CPPED1: variants seen among roughly 807,000 people sequenced by gnomAD.
CPPED1 encodes calcineurin like phosphoesterase domain containing 1.
Under a neutral mutation model 28.0 loss-of-function variants are expected in CPPED1, and 28 were observed. The ratio of observed to expected loss-of-function variants is 1.00; its 90% CI spans 0.74 to 1.37. The LOEUF (loss-of-function observed/expected upper bound fraction) is 1.37. CPPED1 is among the 40% of genes most tolerant of loss of function. CPPED1 has a pLI of 0.00. For synonymous variants in CPPED1, 198 were observed against 180.2 expected (o/e 1.10, Z -0.79); for missense variants, 504 against 416.5 (o/e 1.21, Z -1.83).
chr16:12,785,812 G>A lies in CPPED1; in HGVS notation c.71-4409C>T, dbSNP rs143466837. Among the ~76,000 whole-genome samples, 29 of 152,086 alleles carry A rather than the reference G, an allele frequency of 1.9e-4. 1 individual carries two copies. In the East Asian group the frequency reaches 5.2e-3, roughly 27 times the overall value. On this transcript the variant is annotated intron_variant, in intron 1 of 3. Transcript: ENST00000381774. ...GTTACCCCCAGGGTACAGTCCCCAG[G>A]CACAGTCCAGCTTTTCTGGAAACCC...
At chr16:12,706,209 A>C (rs909009591) in intron 2 of CPPED1, among the ~76,000 whole-genome samples, 6 of 152,004 alleles carry the variant, frequency 3.9e-5, no homozygotes, top group African/African-American at 2.4e-5. Flanking sequence ...ATCACACACA[A>C]ATTTTTAAAA....
intron 2 of CPPED1, among the ~76,000 whole-genome samples, chr16:12,761,325 A>G (rs1191055079): frequency 6.6e-6 from 1 of 151,992 alleles, no homozygotes; most frequent in African/African-American, 2.4e-5. Context: ...AGAAAAGAAA[A>G]GAGGAGAAGT....
In CPPED1 at chr16:12,667,704, C is replaced by G. The variant is rs564437580; in HGVS notation, c.716-2589G>C. 1.9e-4 allele frequency among the ~76,000 whole-genome samples: 29 copies of G among 152,288 alleles called. 1 individual carries two copies. The highest frequency in any genetic ancestry group is 6.0e-4 in the African/African-American group (25 of 41,560). ...AGAAGACAATACAGAGACCCAGACA[C>G]AAGCAATAGGAACATGCTCTTGATT... On this transcript the variant is annotated intron_variant, in intron 3 of 3. Coordinates refer to ENST00000381774, the MANE Select transcript of CPPED1 (RefSeq NM_018340.3).
chr16:12,772,797 A>G (rs1439296454), intron 2 of CPPED1, among the ~76,000 whole-genome samples: 1 of 152,216 alleles, frequency 6.6e-6, no homozygotes, highest in Non-Finnish European at 1.5e-5. Flanking sequence ...TCTTATCCCA[A>G]ACCCCCTAGG....
chr16:12,709,969 C>CAAGG lies in CPPED1; in HGVS notation c.290-4924_290-4921dup, dbSNP rs376109725. 8.4e-6 allele frequency among the ~76,000 whole-genome samples: 1 copy of CAAGG among 118,362 alleles called. No individual in the cohort carries two copies. Among genetic ancestry groups the CAAGG allele is most frequent in the African/African-American group, 3.3e-5 (1 of 30,196 alleles). The allele number at this position is 118,362 out of a possible 152,430, so 77.7% of individuals were successfully genotyped here. A position where few individuals can be genotyped will look rare whatever the true frequency, so the allele number is the denominator to read the frequency against. ...GAGGAAGGAAAGAAGGGAAGGAAGGCAAGGAAGGAAGGAAGGGAAGAGAAG... is the reference window on the plus strand; with the variant it reads ...GAGGAAGGAAAGAAGGGAAGGAAGGCAAGGAAGGAAGGAAGGAAGGGAAGAGAAG... On this transcript the variant is annotated intron_variant, in intron 2 of 3. Transcript: ENST00000381774. The surrounding 1 kb of genome is among the most constrained non-coding windows in gnomAD (Gnocchi z 4.4).
chr16:12,793,411 A>G (rs1334454434), intron 1 of CPPED1, among the ~76,000 whole-genome samples: 8 of 152,090 alleles, frequency 5.3e-5, no homozygotes, highest in African/African-American at 1.9e-4. Flanking sequence ...TTGGGCCTCT[A>G]TCTCCTGAAA....
At chr16:12,679,879 T>C (rs1209894843) in intron 3 of CPPED1, among the ~76,000 whole-genome samples, 1 of 152,176 alleles carries the variant, frequency 6.6e-6, no homozygotes, top group Non-Finnish European at 1.5e-5. Context: ...AGAAATGCAA[T>C]TATCTTAAGA....
intron 3 of CPPED1, among the ~76,000 whole-genome samples, chr16:12,669,555 C>G (rs1323719574): frequency 6.6e-6 from 1 of 152,088 alleles, no homozygotes; most frequent in Non-Finnish European, 1.5e-5. Context: ...ATCACAACAA[C>G]GGATTAGAGT....
At chr16:12,719,293 A>C (rs2080125143) in intron 2 of CPPED1, among the ~76,000 whole-genome samples, 1 of 151,672 alleles carries the variant, frequency 6.6e-6, no homozygotes. Context: ...CGGGAAGCTG[A>C]GGCAGGAGAA....
chr16:12,734,412 T>G (rs2080216267), intron 2 of CPPED1, among the ~76,000 whole-genome samples: 1 of 147,930 alleles, frequency 6.8e-6, no homozygotes, highest in Non-Finnish European at 1.5e-5. Context: ...GGAGTCTCGC[T>G]CTTGTCGCCC....
intron 2 of CPPED1, among the ~76,000 whole-genome samples, chr16:12,726,340 CTTT>C (rs35865113): frequency 2.2e-3 from 232 of 107,364 alleles, no homozygotes; most frequent in African/African-American, 5.6e-3. Context: ...GCACCCAGCC[CTTT>C]TTTTTTTTTT....
At chr16:12,766,394 C>A (rs1201750807) in intron 2 of CPPED1, among the ~76,000 whole-genome samples, 1 of 151,738 alleles carries the variant, frequency 6.6e-6, no homozygotes, top group East Asian at 1.9e-4. Context: ...ATTGGACTTA[C>A]AGCTTCACGT....
chr16:12,735,695 T>C (rs1375569375), intron 2 of CPPED1, among the ~76,000 whole-genome samples: 1 of 152,254 alleles, frequency 6.6e-6, no homozygotes, highest in Non-Finnish European at 1.5e-5. Context: ...AGTTCGTCTC[T>C]GCAAAGAGCT....
At chr16:12,676,097 T>G (rs1462253993) in intron 3 of CPPED1, among the ~76,000 whole-genome samples, 1 of 152,190 alleles carries the variant, frequency 6.6e-6, no homozygotes, top group African/African-American at 2.4e-5. Context: ...AATTCTAGAT[T>G]CCAGCATATT....
rs1291267548 is a variant in CPPED1, at chr16:12,670,430, G to A, written c.716-5315C>T. On this transcript the variant is annotated intron_variant, in intron 3 of 3. Transcript: ENST00000381774. The surrounding 1 kb of genome is among the most constrained non-coding windows in gnomAD (Gnocchi z 4.2). ...ACACAGACACCCCACCCTCTAGGAA[G>A]TAGTGCATCTTTCTTCATCCCTTAG... 5.9e-5 allele frequency among the ~76,000 whole-genome samples: 9 copies of A among 152,146 alleles called. No individual in the cohort carries two copies. Among genetic ancestry groups the A allele is most frequent in the Non-Finnish European group, 1.3e-4 (9 of 68,018 alleles).
rs2079803717 is a variant in CPPED1, at chr16:12,662,949, G to C, written c.*1937C>G. Reference sequence around the variant, plus strand: ...AGAGCATTGTGCATACGTAAGAACAGAGTGAGAGCTCCTTTTCATTTCCCC... The same window carrying C: ...AGAGCATTGTGCATACGTAAGAACACAGTGAGAGCTCCTTTTCATTTCCCC... On this transcript the variant is annotated 3_prime_UTR_variant, in exon 4 of 4. Transcript: ENST00000381774. The C allele has an allele frequency of 6.6e-6, 1 of 152,208 alleles. No individual in the cohort carries two copies. The highest frequency in any genetic ancestry group is 2.4e-5 in the African/African-American group (1 of 41,430). 9.4% of individuals were successfully genotyped at this position (152,208 alleles called of 1,614,324 possible). A position where few individuals can be genotyped will look rare whatever the true frequency, so the allele number is the denominator to read the frequency against.
At chr16:12,681,532 C>T (rs1474668715) in intron 3 of CPPED1, among the ~76,000 whole-genome samples, 1 of 152,122 alleles carries the variant, frequency 6.6e-6, no homozygotes, top group Admixed American at 6.5e-5. Flanking sequence ...ACTTTTCATA[C>T]CTCACCTGAT....
At position 12,664,581 on chromosome 16, in the gene CPPED1, C is replaced by G; in HGVS notation, c.*305G>C. Reference sequence around the variant, plus strand: ...GACCATATGCTAACCAGAATACAATCCAATTCAAAAGTGGAGTTGAGAAAC... The same window carrying G: ...GACCATATGCTAACCAGAATACAATGCAATTCAAAAGTGGAGTTGAGAAAC... On this transcript the variant is annotated 3_prime_UTR_variant, in exon 4 of 4. Transcript: ENST00000381774. This position sits in a 1 kb window ranked among gnomAD's most constrained non-coding sequence, Gnocchi z 4.2. The G allele has an allele frequency of 4.2e-6, 5 of 1,181,150 alleles. No homozygotes were observed. Among genetic ancestry groups the G allele is most frequent in the Non-Finnish European group, 5.2e-6 (5 of 954,320 alleles). 73.2% of individuals were successfully genotyped at this position (1,181,150 alleles called of 1,614,324 possible).
In CPPED1 at chr16:12,696,379, C is replaced by A. The variant is rs147005158; in HGVS notation, c.715+8245G>T. ...CCAAACGGTTCGGGATCATACAGAA[C>A]AACAAACACGCCCTTAGTGAGTGCT... is the stretch of plus-strand genomic sequence containing the variant. On this transcript the variant is annotated intron_variant, in intron 3 of 3. Transcript: ENST00000381774. Among the ~76,000 whole-genome samples, 171 of 150,814 alleles carry A rather than the reference C, an allele frequency of 1.1e-3. 2 individuals carry two copies. Among genetic ancestry groups the A allele is most frequent in the Non-Finnish European group, 4.6e-4 (31 of 67,732 alleles).
Sources: gnomAD v4.1 joint callset for allele counts (sites outside exome capture counted in the v4.1 genomes callset) on GRCh38, gnomAD v4.1.1 for gene constraint, Gnocchi (gnomAD v3.1) non-coding constraint, MANE v1.5 for transcripts, NCBI Gene and HGNC (gene_info 2026-07-23, HGNC 2026-07-21) for gene names.